The following ATP1B1 variants were observed in gnomAD, a reference collection of about 807,000 sequenced individuals.
The protein encoded by ATP1B1 is ATPase Na+/K+ transporting subunit beta 1.
A neutral mutation model predicts 39.6 loss-of-function variants in ATP1B1; 3 were observed. The ratio of observed to expected loss-of-function variants is 0.08; its 90% confidence interval spans 0.03 to 0.20. The LOEUF is 0.20. Ranked by LOEUF, ATP1B1 falls within the 10% of genes least tolerant of loss-of-function variation. The pLI, the probability that ATP1B1 is intolerant of heterozygous loss-of-function variation, is 1.00. For synonymous variants in ATP1B1, 139 were observed against 135.0 expected, an observed-to-expected ratio of 1.03 and a Z score of -0.20; for missense variants, 216 against 371.1, an observed-to-expected ratio of 0.58 and a Z score of 3.43.
intron 2 of ATP1B1, among the ~76,000 whole-genome samples, chr1:169,123,637 G>GTTT (rs563719087): frequency 4.1e-5 from 6 of 144,640 alleles, no homozygotes; most frequent in African/African-American, 1.5e-4. Context: ...ATATATATAG[G>GTTT]TTTTTTTTTT....
In ATP1B1 at chr1:169,125,058, G is replaced by C. The variant is rs1205731610; in HGVS notation, c.382+19G>C. 1 of 1,577,516 alleles carries C rather than the reference G, an allele frequency of 6.3e-7. No homozygotes were observed. Among genetic ancestry groups the C allele is most frequent in the Non-Finnish European group, 8.6e-7 (1 of 1,163,962 alleles). ...TGTGGCGGTAAGTAGACTCATTGTA[G>C]ATGTCTGTGGCTAGTTTTCTTTCTC... On this transcript the variant is annotated intron_variant, in intron 3 of 5. Coordinates refer to ENST00000367815, the MANE Select transcript of ATP1B1 (RefSeq NM_001677.4).
intron 2 of ATP1B1, among the ~76,000 whole-genome samples, chr1:169,118,510 T>C (rs1003938721): frequency 2.6e-4 from 40 of 152,168 alleles, no homozygotes; most frequent in African/African-American, 9.2e-4. Flanking sequence ...CTTTTTTCTG[T>C]GCCTCTCCCC....
In ATP1B1 at chr1:169,131,226, G is replaced by A. The variant is rs1262123721; in HGVS notation, c.649-66G>A. On this transcript the variant is annotated intron_variant, in intron 5 of 5. Transcript: ENST00000367815. The surrounding 1 kb of genome is among the most constrained non-coding windows in gnomAD (Gnocchi z 4.4). ...CAAACTACTGTGTAGATTGAGTCTT[G>A]TTTTTGAGTACACATAGTGATGCAT... The A allele has an allele frequency of 1.3e-6, 2 of 1,514,232 alleles. No individual in the cohort carries two copies. Among genetic ancestry groups the A allele is most frequent in the African/African-American group, 2.9e-5 (2 of 69,954 alleles). 93.8% of individuals were successfully genotyped at this position (1,514,232 alleles called of 1,614,324 possible).
intron 2 of ATP1B1, among the ~76,000 whole-genome samples, chr1:169,119,505 T>C (rs972783857): frequency 3.3e-5 from 5 of 152,170 alleles, no homozygotes; most frequent in Non-Finnish European, 7.4e-5. Context: ...CTCATCCTTG[T>C]CCAGAGTCAT....
intron 2 of ATP1B1, among the ~76,000 whole-genome samples, chr1:169,115,623 A>C (rs1571221590): frequency 6.6e-6 from 1 of 152,232 alleles, no homozygotes; most frequent in African/African-American, 2.4e-5. Context: ...TGCTGGGATT[A>C]CAGGCGTGAG....
At chr1:169,130,975 A>G (rs969154982) in intron 5 of ATP1B1, among the ~76,000 whole-genome samples, 5 of 152,068 alleles carry the variant, frequency 3.3e-5, no homozygotes, top group Non-Finnish European at 5.9e-5. Flanking sequence ...CAAGTAGTAA[A>G]CTTTGGAGAT....
rs778473563 is a variant in ATP1B1, at chr1:169,106,978, G to A, written c.97+52G>A. The A allele has an allele frequency of 3.3e-6, 5 of 1,508,236 alleles. No homozygotes were observed. In the South Asian group the frequency reaches 4.8e-5, roughly 15 times the overall value. 93.4% of individuals were successfully genotyped at this position (1,508,236 alleles called of 1,614,324 possible). On this transcript the variant is annotated intron_variant, in intron 1 of 5. Coordinates refer to ENST00000367815, the MANE Select transcript of ATP1B1 (RefSeq NM_001677.4). ...CCGCCGCGTCTGATCTTTCCCGGGC[G>A]GCGCATCCCCTGCGCAGGGTCCGCG...
At chr1:169,113,327 A>G (rs1324489604) in intron 2 of ATP1B1, among the ~76,000 whole-genome samples, 1 of 152,058 alleles carries the variant, frequency 6.6e-6, no homozygotes, top group Non-Finnish European at 1.5e-5. Flanking sequence ...CGGCCTCCCA[A>G]AGTGCTGGGA....
intron 2 of ATP1B1, among the ~76,000 whole-genome samples, chr1:169,123,819 GT>G (rs1658034892): frequency 6.6e-6 from 1 of 152,036 alleles, no homozygotes; most frequent in South Asian, 2.1e-4. Context: ...TAGAGACGGA[GT>G]TTCACCATGT....
intron 1 of ATP1B1, among the ~76,000 whole-genome samples, chr1:169,110,943 A>G (rs1657715996): frequency 2.0e-5 from 3 of 152,226 alleles, no homozygotes; most frequent in Admixed American, 1.3e-4. Context: ...GTCAAGGGAT[A>G]TGCAAGCAAA....
intron 3 of ATP1B1, among the ~76,000 whole-genome samples, chr1:169,125,844 G>A (rs6427178): frequency 0.41 from 62,233 of 151,644 alleles, 14,528 homozygotes; most frequent in Non-Finnish European, 0.53. Context: ...GTGTGGTGTT[G>A]TGTGCCCGTG....
rs1557954584 is a variant in ATP1B1, at chr1:169,132,132, TA to T, written c.*578del. On this transcript the variant is annotated 3_prime_UTR_variant, in exon 6 of 6. Transcript: ENST00000367815. Reference sequence around the variant, plus strand: ...TCCTGTGGTGTTAGGTCTTTATTTTTATTTTTTTCCTGGGGGCTGGGGTGGG... The same window carrying T: ...TCCTGTGGTGTTAGGTCTTTATTTTTTTTTTTTCCTGGGGGCTGGGGTGGG... 5.3e-6 allele frequency: 3 copies of T among 562,328 alleles called. No homozygotes were observed. Among genetic ancestry groups the T allele is most frequent in the Non-Finnish European group, 1.0e-5 (3 of 289,646 alleles). 34.8% of individuals were successfully genotyped at this position (562,328 alleles called of 1,614,324 possible). A position where few individuals can be genotyped will look rare whatever the true frequency, so the allele number is the denominator to read the frequency against.
At chr1:169,113,767 A>G (rs1280784934) in intron 2 of ATP1B1, among the ~76,000 whole-genome samples, 2 of 152,152 alleles carry the variant, frequency 1.3e-5, no homozygotes, top group Non-Finnish European at 2.9e-5. Context: ...GACTTCTCCA[A>G]AGGAATGCTG....
rs912041859 is a variant in ATP1B1, at chr1:169,131,646, C to T, written c.*91C>T. 9.3e-6 allele frequency: 13 copies of T among 1,390,646 alleles called. No individual in the cohort carries two copies. Among genetic ancestry groups the T allele is most frequent in the African/African-American group, 5.8e-5 (4 of 68,834 alleles). 86.1% of individuals were successfully genotyped at this position (1,390,646 alleles called of 1,614,324 possible). On this transcript the variant is annotated 3_prime_UTR_variant, in exon 6 of 6. Transcript: ENST00000367815. The surrounding 1 kb of genome is among the most constrained non-coding windows in gnomAD (Gnocchi z 4.4). Reference sequence around the variant, plus strand: ...TACTAGTCTTGAACAAACTGTCATACGTATGGGACCTACACTTAATCTATA... The same window carrying T: ...TACTAGTCTTGAACAAACTGTCATATGTATGGGACCTACACTTAATCTATA...
Position 169,114,063 on chromosome 1 carries a change from A to G in ATP1B1, c.226+2565A>G, listed in dbSNP as rs376902271. 6.0e-5 allele frequency among the ~76,000 whole-genome samples: 9 copies of G among 150,498 alleles called. No individual in the cohort carries two copies. In the East Asian group the frequency reaches 9.7e-4, roughly 16 times the overall value. On this transcript the variant is annotated intron_variant, in intron 2 of 5. Transcript: ENST00000367815. ...CAGAGTGCCGAACCTTGATCAGGCC[A>G]GGCCAGCAGAGTGCCGGCTGCCACA... is the stretch of plus-strand genomic sequence containing the variant.
intron 2 of ATP1B1, among the ~76,000 whole-genome samples, chr1:169,120,252 A>G (rs1049696350): frequency 1.2e-4 from 19 of 152,198 alleles, no homozygotes; most frequent in African/African-American, 3.9e-4. Context: ...ACATTTGTTT[A>G]TGTAGTAAGC....
rs1373308303 is a variant in ATP1B1, at chr1:169,127,422, T to G, written c.567+14T>G. The G allele has an allele frequency of 1.3e-6, 2 of 1,599,626 alleles. No individual in the cohort carries two copies. Among genetic ancestry groups the G allele is most frequent in the Non-Finnish European group, 1.7e-6 (2 of 1,174,518 alleles). ...TTCAAACCTAAGGCAAGTAATATTT[T>G]AAATGATAGAATTTAGATGAGTCAT... On this transcript the variant is annotated intron_variant, in intron 4 of 5. Coordinates refer to ENST00000367815, the MANE Select transcript of ATP1B1 (RefSeq NM_001677.4).
intron 2 of ATP1B1, among the ~76,000 whole-genome samples, chr1:169,116,017 T>C (rs1340056963): frequency 1.3e-5 from 2 of 152,202 alleles, no homozygotes; most frequent in East Asian, 3.8e-4. Context: ...CAATTAGCTA[T>C]GCTGGAGAGG....
intron 2 of ATP1B1, among the ~76,000 whole-genome samples, chr1:169,113,644 A>T (rs1043709942): frequency 3.3e-5 from 5 of 152,288 alleles, no homozygotes. Context: ...AGTCCTTTCC[A>T]ACACCCTCTC....
Sources: gnomAD v4.1 joint callset for allele counts (sites outside exome capture counted in the v4.1 genomes callset) on GRCh38, gnomAD v4.1.1 for gene constraint, Gnocchi (gnomAD v3.1) non-coding constraint, MANE v1.5 for transcripts, NCBI Gene and HGNC (gene_info 2026-07-23, HGNC 2026-07-21) for gene names.